Variants in RPS6KA5 observed in about 807,000 individuals in gnomAD.
RPS6KA5 encodes the protein ribosomal protein S6 kinase alpha-5.
In RPS6KA5, 27 loss-of-function variants were observed where a neutral mutation model predicts 85.5. The ratio of observed to expected loss-of-function variants is 0.32; its 90% confidence interval spans 0.23 to 0.44. The LOEUF (loss-of-function observed/expected upper bound fraction) is 0.44, where lower values mean the gene tolerates loss of function less well. RPS6KA5 is among the 20% of genes least tolerant of loss of function. The probability of loss-of-function intolerance (pLI) is 1.00; values close to 1 mark genes in which losing one functional copy is unlikely to be tolerated. For missense variants in RPS6KA5, 811 were observed against 980.9 expected (o/e 0.83, Z 2.31); for synonymous variants, 334 against 348.2 (o/e 0.96, Z 0.46).
chr14:91,001,049 CTT>C (rs749547179), intron 2 of RPS6KA5, 37 bp downstream of exon 2: 11 of 1,057,194 alleles, frequency 1.0e-5, no homozygotes, highest in South Asian at 1.6e-5. Context: ...ATAATAAGTA[CTT>C]TTTTTTTTCC....
At chr14:90,904,111 G>A (rs1330483180) in intron 8 of RPS6KA5, among the ~76,000 whole-genome samples, 1 of 152,002 alleles carries the variant, frequency 6.6e-6, no homozygotes, top group Non-Finnish European at 1.5e-5. Flanking sequence ...CACCATGCCC[G>A]GCTAATTTTT....
intron 7 of RPS6KA5, among the ~76,000 whole-genome samples, chr14:90,914,316 T>G (rs957278479): frequency 7.1e-6 from 1 of 140,490 alleles, no homozygotes; most frequent in Non-Finnish European, 1.5e-5. Flanking sequence ...AGGGTTTTTT[T>G]TTTTTTTTTT....
chr14:90,909,086 G>C, intron 7 of RPS6KA5, among the ~76,000 whole-genome samples: 1 of 152,236 alleles, frequency 6.6e-6, no homozygotes, highest in Non-Finnish European at 1.5e-5. Flanking sequence ...CCAGTCTATT[G>C]TGACATGTGA....
In RPS6KA5 at chr14:90,860,888, T is replaced by TA. The variant is rs2032510703; in HGVS notation, c.*11185dup. The stretch of plus-strand genomic sequence containing the variant: ...GTGAGCAAACAAACAATATAGAGTC[T>TA]ATTTTTTTTTTTTTTTTTTTGAGAT... On this transcript the variant is annotated 3_prime_UTR_variant, in exon 17 of 17. Coordinates refer to ENST00000614987, the MANE Select transcript of RPS6KA5 (RefSeq NM_004755.4). 6.9e-6 allele frequency: 1 copy of TA among 144,940 alleles called. No individual in the cohort carries two copies. The highest frequency in any genetic ancestry group is 1.5e-5 in the Non-Finnish European group (1 of 66,822). The allele number at this position is 144,940 out of a possible 1,614,324, so 9.0% of individuals were successfully genotyped here.
intron 1 of RPS6KA5, among the ~76,000 whole-genome samples, chr14:91,014,937 A>T (rs1193939672): frequency 6.6e-6 from 1 of 152,242 alleles, no homozygotes; most frequent in East Asian, 1.9e-4. Context: ...CCAAATGAAG[A>T]TGCCAAGGAA....
chr14:91,039,608 G>A (rs772628359), intron 1 of RPS6KA5, among the ~76,000 whole-genome samples: 4 of 152,308 alleles, frequency 2.6e-5, no homozygotes, highest in African/African-American at 4.8e-5. Context: ...TCCTGAGCCA[G>A]TTCCCACCAG....
At chr14:90,916,036 T>C (rs573607926) in intron 7 of RPS6KA5, among the ~76,000 whole-genome samples, 19 of 152,136 alleles carry the variant, frequency 1.2e-4, no homozygotes, top group Non-Finnish European at 2.1e-4. Flanking sequence ...AAAAGATTTA[T>C]CCTAGATAAA....
chr14:90,865,685 T>C lies in RPS6KA5; in HGVS notation c.*6389A>G, dbSNP rs1419827489. 1.3e-5 allele frequency: 2 copies of C among 152,200 alleles called. No homozygotes were observed. The highest frequency in any genetic ancestry group is 6.5e-5 in the Admixed American group (1 of 15,276). 9.4% of individuals were successfully genotyped at this position (152,200 alleles called of 1,614,324 possible). ...CTGGTCTCTGGCCACTGGATGTCAG[T>C]GTTTGGAGCAGTGGGCAGCAGGAAA... is the stretch of plus-strand genomic sequence containing the variant. On this transcript the variant is annotated 3_prime_UTR_variant, in exon 17 of 17. Coordinates refer to ENST00000614987, the MANE Select transcript of RPS6KA5 (RefSeq NM_004755.4).
chr14:90,905,092 G>A (rs781645803), intron 8 of RPS6KA5, among the ~76,000 whole-genome samples: 6 of 152,018 alleles, frequency 3.9e-5, no homozygotes, highest in Non-Finnish European at 5.9e-5. Context: ...TTCTCATTAT[G>A]TTACTGAACT....
At chr14:90,965,665 C>T (rs987569405) in intron 3 of RPS6KA5, among the ~76,000 whole-genome samples, 9 of 151,854 alleles carry the variant, frequency 5.9e-5, no homozygotes. Context: ...TCATGCCAGA[C>T]CCAGGTGACA....
At chr14:91,052,638 C>T (rs1252659120) in intron 1 of RPS6KA5, among the ~76,000 whole-genome samples, 1 of 149,340 alleles carries the variant, frequency 6.7e-6, no homozygotes, top group African/African-American at 2.5e-5. Flanking sequence ...TCCTGGCTAA[C>T]ACGATGAAAC....
chr14:90,945,839 T>TA (rs904429301), intron 4 of RPS6KA5, among the ~76,000 whole-genome samples: 1 of 151,928 alleles, frequency 6.6e-6, no homozygotes, highest in Non-Finnish European at 1.5e-5. Context: ...CTCATCTCTA[T>TA]AAAAAATACA....
At chr14:91,046,492 A>T (rs2042877794) in intron 1 of RPS6KA5, among the ~76,000 whole-genome samples, 1 of 152,236 alleles carries the variant, frequency 6.6e-6, no homozygotes, top group African/African-American at 2.4e-5. Context: ...GACTCTGTTC[A>T]TGCTGTCTTC....
intron 3 of RPS6KA5, among the ~76,000 whole-genome samples, chr14:90,964,430 T>A (rs1464216260): frequency 6.6e-6 from 1 of 152,208 alleles, no homozygotes; most frequent in African/African-American, 2.4e-5. Flanking sequence ...AATATTACAA[T>A]AAAAATATTT....
At chr14:90,903,949 A>T (rs964393136) in intron 8 of RPS6KA5, among the ~76,000 whole-genome samples, 5 of 146,072 alleles carry the variant, frequency 3.4e-5, no homozygotes, top group East Asian at 4.0e-4. Flanking sequence ...ACTACCATAA[A>T]TTTTTTTTTT....
At chr14:90,892,229 T>C (rs886487211) in intron 13 of RPS6KA5, among the ~76,000 whole-genome samples, 5 of 152,168 alleles carry the variant, frequency 3.3e-5, no homozygotes, top group African/African-American at 9.7e-5. Context: ...CTCAAACTCC[T>C]GTCCTCAAGT....
At chr14:91,015,972 C>G (rs1484265547) in intron 1 of RPS6KA5, among the ~76,000 whole-genome samples, 1 of 152,158 alleles carries the variant, frequency 6.6e-6, no homozygotes, top group Non-Finnish European at 1.5e-5. Context: ...CAACTGCCCT[C>G]CAACCCCAAT....
chr14:91,023,095 A>AAAAC (rs2041851684), intron 1 of RPS6KA5, among the ~76,000 whole-genome samples: 1 of 151,022 alleles, frequency 6.6e-6, no homozygotes, highest in African/African-American at 2.4e-5. Flanking sequence ...AAAAAAAAAA[A>AAAAC]AAAAAAAGAT....
intron 2 of RPS6KA5, among the ~76,000 whole-genome samples, chr14:90,992,544 T>C (rs1267072920): frequency 6.6e-6 from 1 of 152,210 alleles, no homozygotes; most frequent in Non-Finnish European, 1.5e-5. Flanking sequence ...TATTAAAAAT[T>C]TCACATATAT....
Sources: gnomAD v4.1 joint callset for allele counts (sites outside exome capture counted in the v4.1 genomes callset) on GRCh38, gnomAD v4.1.1 for gene constraint, MANE v1.5 for transcripts, NCBI Gene and HGNC (gene_info 2026-07-23, HGNC 2026-07-21) for gene names.